Variants in PLD5 observed in about 807,000 individuals in gnomAD.
The protein encoded by PLD5 is inactive phospholipase D5.
PLD5 carries 36 observed loss-of-function variants against 61.1 expected under a neutral mutation model. The observed-to-expected ratio is 0.59, with a 90% confidence interval of 0.45 to 0.78. The LOEUF is 0.78. PLD5 is among the 30% of genes least tolerant of loss of function. The probability of loss-of-function intolerance (pLI) is 0.00; values close to 1 mark genes in which losing one functional copy is unlikely to be tolerated. For synonymous variants in PLD5, 243 were observed against 242.8 expected (o/e 1.00, Z -0.01); for missense variants, 515 against 644.4 (o/e 0.80, Z 2.17).
At chr1:242,212,334 G>GCAAT (rs1328613447) in intron 5 of PLD5, among the ~76,000 whole-genome samples, 1 of 152,166 alleles carries the variant, frequency 6.6e-6, no homozygotes, top group African/African-American at 2.4e-5. Context: ...GATCAACAAG[G>GCAAT]CAATCAGATG....
chr1:242,162,029 T>G (rs1366059245), intron 5 of PLD5, among the ~76,000 whole-genome samples: 1 of 152,174 alleles, frequency 6.6e-6, no homozygotes, highest in Non-Finnish European at 1.5e-5. Flanking sequence ...ATTGCCTATT[T>G]GGTAGGCAAC....
chr1:242,145,519 A>T (rs542361218), intron 5 of PLD5, among the ~76,000 whole-genome samples: 1 of 152,172 alleles, frequency 6.6e-6, no homozygotes, highest in South Asian at 2.1e-4. Context: ...TTAAGAACCC[A>T]CAACAAGAGA....
At chr1:242,261,974 G>A (rs1251187926) in intron 4 of PLD5, among the ~76,000 whole-genome samples, 5 of 152,126 alleles carry the variant, frequency 3.3e-5, no homozygotes, top group Non-Finnish European at 7.4e-5. Flanking sequence ...CCAATCCTAA[G>A]TTCATACTGA....
In PLD5 at chr1:242,501,674, G is replaced by C. The variant is rs138327330; in HGVS notation, c.189+22414C>G. Among the ~76,000 whole-genome samples the C allele has an allele frequency of 7.2e-5, 11 of 152,048 alleles. No homozygotes were observed. The East Asian group carries it at 1.7e-3, about 24-fold the overall frequency. ...GGAATAAAGCATGGAAAAATCCAAA[G>C]AGAATGTTTTGTAAGCTTTACAATG... On this transcript the variant is annotated intron_variant, in intron 1 of 9. Transcript: ENST00000536534.
chr1:242,281,639 G>T (rs1177822298), intron 3 of PLD5, among the ~76,000 whole-genome samples: 2 of 152,088 alleles, frequency 1.3e-5, no homozygotes, highest in African/African-American at 4.8e-5. Context: ...GATAGTGTTT[G>T]GTCATAAATT....
chr1:242,285,353 C>T (rs1345888621), intron 3 of PLD5, among the ~76,000 whole-genome samples: 1 of 152,090 alleles, frequency 6.6e-6, no homozygotes, highest in Non-Finnish European at 1.5e-5. Context: ...CAAAAATTAG[C>T]TTGGTGTGGT....
chr1:242,450,175 C>A (rs570271755), intron 1 of PLD5, among the ~76,000 whole-genome samples: 2 of 152,196 alleles, frequency 1.3e-5, no homozygotes. Flanking sequence ...CAGAAGAATT[C>A]AATCACACAG....
At chr1:242,510,299 G>A (rs1430370633) in intron 1 of PLD5, among the ~76,000 whole-genome samples, 1 of 152,136 alleles carries the variant, frequency 6.6e-6, no homozygotes, top group South Asian at 2.1e-4. Context: ...ACTGCCAAGT[G>A]CAGAACATGA....
At chr1:242,349,839 G>A (rs1206531636) in intron 1 of PLD5, among the ~76,000 whole-genome samples, 1 of 152,156 alleles carries the variant, frequency 6.6e-6, no homozygotes, top group Non-Finnish European at 1.5e-5. Flanking sequence ...GGGACTTTTG[G>A]GAGCTGATTA....
intron 4 of PLD5, among the ~76,000 whole-genome samples, chr1:242,249,054 C>T (rs71498888): frequency 2.0e-5 from 3 of 152,050 alleles, no homozygotes; most frequent in South Asian, 2.1e-4. Flanking sequence ...AGGCAGAGGT[C>T]GCAGTGGGCC....
Position 242,520,341 on chromosome 1 carries a change from G to T in PLD5, c.189+3747C>A, listed in dbSNP as rs750602408. Among the ~76,000 whole-genome samples the T allele has an allele frequency of 3.3e-5, 5 of 152,268 alleles. No homozygotes were observed. In the South Asian group the frequency reaches 1.0e-3, roughly 32 times the overall value. ...TGGAAAGTATACTTTCGTGGTGTCCGAGTCTCTGACATTTGGAGAATGTTC... is the reference window on the plus strand; with the variant it reads ...TGGAAAGTATACTTTCGTGGTGTCCTAGTCTCTGACATTTGGAGAATGTTC... On this transcript the variant is annotated intron_variant, in intron 1 of 9. Coordinates refer to ENST00000536534, the MANE Select transcript of PLD5 (RefSeq NM_001372062.1).
intron 5 of PLD5, among the ~76,000 whole-genome samples, chr1:242,191,770 AAAG>A (rs1186253518): frequency 6.6e-6 from 1 of 151,996 alleles, no homozygotes; most frequent in Non-Finnish European, 1.5e-5. Context: ...GGACTTCAAG[AAAG>A]AAGAGGGAGA....
At chr1:242,116,637 C>T (rs1661968113) in intron 6 of PLD5, among the ~76,000 whole-genome samples, 1 of 151,762 alleles carries the variant, frequency 6.6e-6, no homozygotes, top group Non-Finnish European at 1.5e-5. Context: ...CCAATGTTTA[C>T]CTCCCACTTA....
intron 1 of PLD5, among the ~76,000 whole-genome samples, chr1:242,448,651 G>A (rs977801279): frequency 2.0e-5 from 3 of 152,172 alleles, no homozygotes; most frequent in African/African-American, 7.2e-5. Flanking sequence ...CAGAGGCCAA[G>A]AGATAAACAT....
At chr1:242,412,346 T>C (rs1429911273) in intron 1 of PLD5, among the ~76,000 whole-genome samples, 3 of 152,186 alleles carry the variant, frequency 2.0e-5, no homozygotes, top group Non-Finnish European at 4.4e-5. Flanking sequence ...GAATTTTATT[T>C]TTATTTCTCA....
intron 5 of PLD5, among the ~76,000 whole-genome samples, chr1:242,169,567 C>A (rs1274100385): frequency 6.6e-6 from 1 of 152,146 alleles, no homozygotes; most frequent in Non-Finnish European, 1.5e-5. Flanking sequence ...GCCTGGAATG[C>A]CAGCGAGACA....
intron 1 of PLD5, among the ~76,000 whole-genome samples, chr1:242,465,772 C>CA (rs1006260756): frequency 2.9e-4 from 44 of 151,994 alleles, no homozygotes; most frequent in Middle Eastern, 3.4e-3. Flanking sequence ...ACTAAAAATA[C>CA]AAAAAAAATT....
chr1:242,514,013 A>T (rs534901070), intron 1 of PLD5, among the ~76,000 whole-genome samples: 2 of 152,240 alleles, frequency 1.3e-5, no homozygotes, highest in Non-Finnish European at 2.9e-5. Flanking sequence ...CCACTAAAAA[A>T]GATGCTACAC....
At chr1:242,274,709 G>A (rs1674315247) in intron 3 of PLD5, among the ~76,000 whole-genome samples, 4 of 151,834 alleles carry the variant, frequency 2.6e-5, no homozygotes, top group Non-Finnish European at 2.9e-5. Context: ...AGCTGAGATC[G>A]CGCCACTGCA....
Sources: allele counts gnomAD v4.1 joint callset (sites outside exome capture counted in the v4.1 genomes callset), GRCh38; gene constraint gnomAD v4.1.1; transcripts MANE v1.5; gene names NCBI Gene and HGNC (gene_info 2026-07-23, HGNC 2026-07-21).